DYNC2H1: variants seen among roughly 807,000 people sequenced by gnomAD.
The protein encoded by DYNC2H1 is cytoplasmic dynein 2 heavy chain 1.
DYNC2H1 carries 410 observed loss-of-function variants against 570.0 expected under a neutral mutation model. The ratio of observed to expected loss-of-function variants is 0.72; its 90% CI spans 0.66 to 0.78. The LOEUF (loss-of-function observed/expected upper bound fraction) is 0.78, where lower values mean the gene tolerates loss of function less well. Ranked by LOEUF, DYNC2H1 falls within the 30% of genes least tolerant of loss-of-function variation. The pLI, the probability that DYNC2H1 is intolerant of heterozygous loss-of-function variation, is 0.00. For synonymous variants in DYNC2H1, 1,688 were observed against 1,677.6 expected (o/e 1.01, Z -0.15); for missense variants, 4,865 against 5,046.4 (o/e 0.96, Z 1.09).
At chr11:103,138,858 T>A (rs1431137784) in intron 17 of DYNC2H1, among the ~76,000 whole-genome samples, 14 of 152,130 alleles carry the variant, frequency 9.2e-5, no homozygotes, top group African/African-American at 3.4e-4. Context: ...TCTTTTTGGT[T>A]GGTAAGCTAT....
rs552043826 is a variant in DYNC2H1 at position 103,255,146 on chromosome 11, T to C, written c.10207-269T>C. On this transcript the variant is annotated intron_variant, in intron 66 of 88. Coordinates refer to ENST00000375735, the MANE Select transcript of DYNC2H1 (RefSeq NM_001377.3). ...TAATTTAGTATATTTAATTTAAAAC[T>C]AAATATTACACATTGATATGTTAAG... Among the ~76,000 whole-genome samples, 13 of 152,298 alleles carry C rather than the reference T, an allele frequency of 8.5e-5. No individual in the cohort carries two copies. The South Asian group carries it at 2.5e-3, about 29-fold the overall frequency.
At chr11:103,312,905 A>G (rs140683051) in intron 79 of DYNC2H1, among the ~76,000 whole-genome samples, 2 of 152,132 alleles carry the variant, frequency 1.3e-5, no homozygotes, top group South Asian at 2.1e-4. Flanking sequence ...TGTTCTTGAT[A>G]TGTTGTGTTT....
At position 103,181,167 on chromosome 11, in the gene DYNC2H1, G is replaced by A. The variant is rs892886409; in HGVS notation, c.6348-590G>A. ...CTAAAGGAATTATAGTTTGCTTTAG[G>A]AAGATCTTTAAATTTTAATAGTGGC... On this transcript the variant is annotated intron_variant, in intron 39 of 88. Coordinates refer to ENST00000375735, the MANE Select transcript of DYNC2H1 (RefSeq NM_001377.3). The surrounding 1 kb of genome is among the most constrained non-coding windows in gnomAD (Gnocchi z 5.0). Among the ~76,000 whole-genome samples, 1 of 151,576 alleles carries A rather than the reference G, an allele frequency of 6.6e-6. No individual in the cohort carries two copies. Among genetic ancestry groups the A allele is most frequent in the East Asian group, 1.9e-4 (1 of 5,166 alleles).
chr11:103,436,684 C>A (rs1006710420), intron 85 of DYNC2H1, among the ~76,000 whole-genome samples: 1 of 152,108 alleles, frequency 6.6e-6, no homozygotes, highest in African/African-American at 2.4e-5. Context: ...CAAGTCTGTT[C>A]ACATTTGTCA....
At chr11:103,477,422 T>G (rs369327176) in intron 88 of DYNC2H1, among the ~76,000 whole-genome samples, 38 of 152,248 alleles carry the variant, frequency 2.5e-4, no homozygotes, top group African/African-American at 8.9e-4. Flanking sequence ...ATCATATAAA[T>G]TCAGTAAAAA....
In DYNC2H1 at chr11:103,472,206, T is replaced by A. The variant is rs1945410086; in HGVS notation, c.12765+3501T>A. 6.6e-6 allele frequency among the ~76,000 whole-genome samples: 1 copy of A among 151,928 alleles called. No homozygotes were observed. The highest frequency in any genetic ancestry group is 2.1e-4 in the South Asian group (1 of 4,812). On this transcript the variant is annotated intron_variant, in intron 88 of 88. Transcript: ENST00000375735. The surrounding 1 kb of genome is among the most constrained non-coding windows in gnomAD (Gnocchi z 4.1). Reference sequence around the variant, plus strand: ...TAGCCATGCCAGAGTTTAGACCACCTTATGATCAGTAGGAAGCCATCAAGA... The same window carrying A: ...TAGCCATGCCAGAGTTTAGACCACCATATGATCAGTAGGAAGCCATCAAGA...
chr11:103,139,267 G>A (rs1323540098), intron 17 of DYNC2H1, among the ~76,000 whole-genome samples: 1 of 151,260 alleles, frequency 6.6e-6, no homozygotes, highest in African/African-American at 2.4e-5. Context: ...TTTTGAATGT[G>A]TTTGCTCTTG....
intron 78 of DYNC2H1, among the ~76,000 whole-genome samples, chr11:103,308,320 T>G (rs1439363034): frequency 6.6e-6 from 1 of 152,206 alleles, no homozygotes; most frequent in African/African-American, 2.4e-5. Context: ...CATCCATGTT[T>G]TAGCATGTGG....
At chr11:103,413,290 A>C (rs1259272965) in intron 84 of DYNC2H1, among the ~76,000 whole-genome samples, 1 of 152,190 alleles carries the variant, frequency 6.6e-6, no homozygotes. Context: ...AGTTCTTAGG[A>C]AAGTTCTACT....
At chr11:103,393,730 G>A (rs552403612) in intron 83 of DYNC2H1, among the ~76,000 whole-genome samples, 1 of 152,210 alleles carries the variant, frequency 6.6e-6, no homozygotes, top group African/African-American at 2.4e-5. Context: ...ATGACACACC[G>A]GGACTGGGCA....
At chr11:103,257,512 C>T in intron 68 of DYNC2H1, 96 bp from the exon 69 acceptor site, 1 of 1,208,810 alleles carries the variant, frequency 8.3e-7, no homozygotes, top group Non-Finnish European at 1.1e-6. Context: ...TTTTTTATTA[C>T]TTGGGTAGAT....
rs1859514894 is a variant in DYNC2H1 at position 103,135,944 on chromosome 11, A to G, written c.2570A>G (p.His857Arg). 4 of 1,601,460 alleles carry G rather than the reference A, an allele frequency of 2.5e-6. No individual in the cohort carries two copies. The highest frequency in any genetic ancestry group is 3.4e-6 in the Non-Finnish European group (4 of 1,173,222). The change falls in exon 17 of 89, where the codon CAT (histidine) becomes CGT (arginine). Residue 857 changes from histidine (H) to arginine (R), a missense_variant. This residue lies in a region of DYNC2H1 where 1,936 missense variants were observed against 1,962.1 expected (regional missense o/e 0.99). Transcript: ENST00000375735. The part of the protein sequence containing the change: ...FRRLSAVLHQ[H>R]KEWIVIGQVD... The stretch of plus-strand genomic sequence containing the variant: ...AGATTGTCAGCTGTTTTACACCAAC[A>G]TAAGGTATAGAACATGTAATGTTCC...
chr11:103,188,065 A>G (rs1040105024), intron 43 of DYNC2H1, among the ~76,000 whole-genome samples: 2 of 152,092 alleles, frequency 1.3e-5, no homozygotes, highest in Non-Finnish European at 2.9e-5. Flanking sequence ...TGTTATTTAC[A>G]TCACATTAGA....
intron 88 of DYNC2H1, among the ~76,000 whole-genome samples, chr11:103,476,279 T>A (rs1269276226): frequency 6.6e-6 from 1 of 152,200 alleles, no homozygotes. Context: ...ACTAAGGATT[T>A]ACTCTCTCCA....
At chr11:103,178,594 AT>A (rs1367808130) in intron 38 of DYNC2H1, among the ~76,000 whole-genome samples, 1 of 151,980 alleles carries the variant, frequency 6.6e-6, no homozygotes, top group Non-Finnish European at 1.5e-5. Flanking sequence ...ATTGGTCACT[AT>A]TTTTCCCCCT....
intron 83 of DYNC2H1, among the ~76,000 whole-genome samples, chr11:103,392,580 G>A (rs578022420): frequency 2.0e-5 from 3 of 152,302 alleles, no homozygotes; most frequent in East Asian, 1.9e-4. Flanking sequence ...CGTCGCTCAC[G>A]CTGGGAGCTT....
In DYNC2H1 at chr11:103,241,440, A is replaced by T; in HGVS notation, c.9820-2253A>T. On this transcript the variant is annotated intron_variant, in intron 63 of 88. Transcript: ENST00000375735. The surrounding 1 kb of genome is among the most constrained non-coding windows in gnomAD (Gnocchi z 5.1). ...TAAAATAAGATGACAACAAACTTTT[A>T]AGTACCCTTTGAAAAACTTAAGCAT... The T allele has an allele frequency of 8.3e-7, 1 of 1,204,130 alleles. No homozygotes were observed. The highest frequency in any genetic ancestry group is 1.5e-5 in the African/African-American group (1 of 65,894). The allele number at this position is 1,204,130 out of a possible 1,614,324, so 74.6% of individuals were successfully genotyped here. A position where few individuals can be genotyped will look rare whatever the true frequency, so the allele number is the denominator to read the frequency against.
chr11:103,223,960 A>T (rs7120677), intron 59 of DYNC2H1, among the ~76,000 whole-genome samples: 242 of 151,682 alleles, frequency 1.6e-3, no homozygotes, highest in Middle Eastern at 3.4e-3. Flanking sequence ...GTTGGCGAAG[A>T]TGATCTCGAT....
chr11:103,371,218 AAGTG>A (rs1941132892), intron 83 of DYNC2H1, among the ~76,000 whole-genome samples: 1 of 152,078 alleles, frequency 6.6e-6, no homozygotes, highest in Non-Finnish European at 1.5e-5. Context: ...AAGCAGAAGA[AAGTG>A]AGCTTGAAGA....
Sources: gnomAD v4.1 joint callset for allele counts (sites outside exome capture counted in the v4.1 genomes callset) on GRCh38, gnomAD v4.1.1 for gene constraint, gnomAD v4.1.1 regional missense constraint, Gnocchi (gnomAD v3.1) non-coding constraint, MANE v1.5 for transcripts, NCBI Gene and HGNC (gene_info 2026-07-23, HGNC 2026-07-21) for gene names.